Variants in VWA2 observed in about 807,000 individuals in gnomAD.
VWA2 encodes the protein von Willebrand factor A domain containing 2.
VWA2 carries 73 observed loss-of-function variants against 70.4 expected under a neutral mutation model. The ratio of observed to expected loss-of-function variants is 1.04; its 90% CI spans 0.86 to 1.26. The LOEUF (loss-of-function observed/expected upper bound fraction) is 1.26, where lower values mean the gene tolerates loss of function less well. VWA2 is among the 50% of genes most tolerant of loss of function. The pLI is 0.00. For synonymous variants in VWA2, 407 were observed against 423.3 expected (o/e 0.96, Z 0.47); for missense variants, 1,011 against 998.5 (o/e 1.01, Z -0.17).
intron 1 of VWA2, chr10:114,246,093 G>A (rs1467168025): frequency 2.9e-6 from 2 of 685,674 alleles, no homozygotes; most frequent in African/African-American, 3.7e-5. Flanking sequence ...ATGATTGGAG[G>A]TCAGATGCAT....
chr10:114,276,056 A>T (rs556759480), intron 6 of VWA2, among the ~76,000 whole-genome samples: 1 of 152,236 alleles, frequency 6.6e-6, no homozygotes, highest in Non-Finnish European at 1.5e-5. Context: ...TCAGTGTTTC[A>T]GTGTCTGCGC....
At chr10:114,273,682 G>C (rs749766329) in intron 6 of VWA2, among the ~76,000 whole-genome samples, 15 of 152,326 alleles carry the variant, frequency 9.8e-5, no homozygotes, top group East Asian at 1.9e-4. Context: ...TTTGCACACA[G>C]AAATCTCTTC....
chr10:114,262,259 G>A (rs1466407467), intron 5 of VWA2, among the ~76,000 whole-genome samples: 1 of 150,644 alleles, frequency 6.6e-6, no homozygotes, highest in Non-Finnish European at 1.5e-5. Context: ...TGATATGTGT[G>A]TTTATGCTCA....
chr10:114,263,238 C>T (rs1306563235), intron 5 of VWA2, among the ~76,000 whole-genome samples: 1 of 151,838 alleles, frequency 6.6e-6, no homozygotes. Context: ...TGGTCTTGAA[C>T]TGCTGAGCTC....
At chr10:114,259,387 A>C (rs2037395807) in intron 4 of VWA2, among the ~76,000 whole-genome samples, 1 of 151,394 alleles carries the variant, frequency 6.6e-6, no homozygotes, top group South Asian at 2.1e-4. Context: ...GAGGAGGCTA[A>C]CCCTTTAACA....
In VWA2 at chr10:114,286,303, G is replaced by T; in HGVS notation, c.1362G>T (p.Glu454Asp). Reference protein sequence around the residue: ...RPRRVVVLLTESHSEDEVAGP... With the variant: ...RPRRVVVLLTDSHSEDEVAGP... ...GTAGAGTGGTGGTTTTGCTCACTGA[G>T]TCACACTCCGAGGATGAGGTTGCGG... Residue 454 changes from glutamate (E) to aspartate (D), a missense_variant, in exon 11 of 14, where the codon GAG becomes GAT. By Grantham distance (45) the Glu-to-Asp change is conservative. Coordinates refer to ENST00000392982, the MANE Select transcript of VWA2 (RefSeq NM_001272046.2). 6.2e-7 allele frequency: 1 copy of T among 1,611,012 alleles called. No homozygotes were observed.
chr10:114,244,073 G>GGTCT (rs1370353448), intron 1 of VWA2, among the ~76,000 whole-genome samples: 2 of 152,208 alleles, frequency 1.3e-5, no homozygotes, highest in Non-Finnish European at 2.9e-5. Flanking sequence ...GAGAATGGGT[G>GGTCT]GTCTGTTCCA....
chr10:114,290,148 C>A lies in VWA2; in HGVS notation c.2123-92C>A, dbSNP rs900933063. 3 of 1,491,192 alleles carry A rather than the reference C, an allele frequency of 2.0e-6. No individual in the cohort carries two copies. In the East Asian group the frequency reaches 7.5e-5, roughly 37 times the overall value. The allele number at this position is 1,491,192 out of a possible 1,614,324, so 92.4% of individuals were successfully genotyped here. The stretch of plus-strand genomic sequence containing the variant: ...GCAAAGGGAGACATGACTCTAGTAG[C>A]CTTGCACCTCTACTGGGCTTACTTA... On this transcript the variant is annotated intron_variant, in intron 12 of 13. Transcript: ENST00000392982.
At chr10:114,241,903 C>T (rs1001926638) in intron 1 of VWA2, among the ~76,000 whole-genome samples, 1 of 116,008 alleles carries the variant, frequency 8.6e-6, no homozygotes, top group Admixed American at 1.1e-4. Flanking sequence ...TCCCACCCCC[C>T]TCCCTATCAT....
Position 114,265,103 on chromosome 10 carries a change from G to A in VWA2, c.371+3808G>A, listed in dbSNP as rs1202598410. ...ATTAGTCATTGCCAGGGGCTGACGGGAATGAGGAATGGCTGCTAATGGTAC... is the reference window on the plus strand; with the variant it reads ...ATTAGTCATTGCCAGGGGCTGACGGAAATGAGGAATGGCTGCTAATGGTAC... On this transcript the variant is annotated intron_variant, in intron 5 of 13. Transcript: ENST00000392982. Among the ~76,000 whole-genome samples, 5 of 152,254 alleles carry A rather than the reference G, an allele frequency of 3.3e-5. No individual in the cohort carries two copies. The East Asian group carries it at 9.6e-4, about 29-fold the overall frequency.
intron 6 of VWA2, among the ~76,000 whole-genome samples, chr10:114,276,327 G>A (rs995678615): frequency 2.6e-5 from 4 of 152,186 alleles, no homozygotes; most frequent in Admixed American, 2.0e-4. Context: ...TGCTGGAAAC[G>A]CACAGCCTGT....
At chr10:114,243,646 T>C (rs1282532541) in intron 1 of VWA2, among the ~76,000 whole-genome samples, 1 of 152,166 alleles carries the variant, frequency 6.6e-6, no homozygotes, top group African/African-American at 2.4e-5. Context: ...TGGTTTCCTC[T>C]TTTTCCCTAC....
chr10:114,289,606 CA>C, intron 12 of VWA2, 117 bp downstream of exon 12: 1 of 1,201,066 alleles, frequency 8.3e-7, no homozygotes, highest in Non-Finnish European at 1.2e-6. Context: ...ACTTGCTTCC[CA>C]AGTGCCAGGT....
chr10:114,261,283 G>A lies in VWA2; in HGVS notation c.359G>A (p.Arg120Lys). The A allele has an allele frequency of 2.5e-6, 4 of 1,613,944 alleles. No homozygotes were observed. Among genetic ancestry groups the A allele is most frequent in the Non-Finnish European group, 3.4e-6 (4 of 1,179,834 alleles). The change falls in exon 5 of 14, where the codon AGG (arginine) becomes AAG (lysine). Residue 120 changes from arginine to lysine, a missense_variant. Physicochemically the swap from Arg to Lys is conservative, Grantham distance 26. Transcript: ENST00000392982. ...CAGGAAGTGAAGGCAAGAATCAAGA[G>A]GATGGTTTTCAAGTATGTATGATCA... is the stretch of plus-strand genomic sequence containing the variant. ...TQQEVKARIK[R>K]MVFKGGRTET... is the part of the protein sequence containing the mutation.
At chr10:114,270,347 C>T (rs771581970) in intron 5 of VWA2, among the ~76,000 whole-genome samples, 1 of 152,216 alleles carries the variant, frequency 6.6e-6, no homozygotes, top group Non-Finnish European at 1.5e-5. Flanking sequence ...TCCTCTATTC[C>T]AGAGAGCTGT....
chr10:114,256,909 C>CAAA lies in VWA2; in HGVS notation c.261+1882_261+1884dup, dbSNP rs1191231574. Reference sequence around the variant, plus strand: ...TGGGCGACAGAGTGAAACACCGTCTCAAAAAAAAAAAAAAAAAAAAAAATT... The same window carrying CAAA: ...TGGGCGACAGAGTGAAACACCGTCTCAAAAAAAAAAAAAAAAAAAAAAAAAATT... On this transcript the variant is annotated intron_variant, in intron 4 of 13. Transcript: ENST00000392982. Among the ~76,000 whole-genome samples, 385 of 54,732 alleles carry CAAA rather than the reference C, an allele frequency of 7.0e-3. 4 individuals carry two copies. Among genetic ancestry groups the CAAA allele is most frequent in the African/African-American group, 0.022 (339 of 15,216 alleles). 35.9% of individuals were successfully genotyped at this position (54,732 alleles called of 152,430 possible).
At chr10:114,290,119 C>A in intron 12 of VWA2, 121 bp from the exon 13 acceptor site, 2 of 1,358,316 alleles carry the variant, frequency 1.5e-6, no homozygotes, top group Non-Finnish European at 2.0e-6. Context: ...CATGAGCTAC[C>A]GGGGCAAAGG....
chr10:114,262,808 A>G (rs1469765708), intron 5 of VWA2, among the ~76,000 whole-genome samples: 1 of 152,096 alleles, frequency 6.6e-6, no homozygotes, highest in Non-Finnish European at 1.5e-5. Flanking sequence ...TACAAAAGGA[A>G]AGAGCTCATT....
Position 114,282,802 on chromosome 10 carries a change from G to A in VWA2, c.889+231G>A, listed in dbSNP as rs142501959. 4.1e-3 allele frequency among the ~76,000 whole-genome samples: 620 copies of A among 152,318 alleles called. 6 individuals carry two copies. The highest frequency in any genetic ancestry group is 0.014 in the African/African-American group (587 of 41,558). ...GATTACTCCCCTGAACCAGTGTTGT[G>A]TGCATTGGTGAGAGGCAGAGAGGCA... On this transcript the variant is annotated intron_variant, in intron 9 of 13. Transcript: ENST00000392982.
Sources: gnomAD v4.1 joint callset for allele counts (sites outside exome capture counted in the v4.1 genomes callset) on GRCh38, gnomAD v4.1.1 for gene constraint, MANE v1.5 for transcripts, NCBI Gene and HGNC (gene_info 2026-07-23, HGNC 2026-07-21) for gene names.